The following TFEC variants were observed in gnomAD, a reference collection of about 807,000 sequenced individuals.
TFEC encodes the protein class E basic helix-loop-helix protein 34.
TFEC carries 31 observed loss-of-function variants against 41.6 expected under a neutral mutation model. The observed-to-expected ratio is 0.74, with a 90% CI of 0.56 to 1.01. The LOEUF (loss-of-function observed/expected upper bound fraction) is 1.01. TFEC is among the 50% of genes least tolerant of loss of function. TFEC has a pLI of 0.00. For synonymous variants in TFEC, 143 were observed against 140.6 expected (o/e 1.02, Z -0.12); for missense variants, 402 against 404.1 (o/e 0.99, Z 0.04).
chr7:116,030,731 C>T lies in TFEC; in HGVS notation c.-171G>A. 1.0e-6 allele frequency: 1 copy of T among 985,308 alleles called. No homozygotes were observed. Among genetic ancestry groups the T allele is most frequent in the Non-Finnish European group, 1.2e-6 (1 of 829,920 alleles). The allele number at this position is 985,308 out of a possible 1,614,324, so 61.0% of individuals were successfully genotyped here. A position where few individuals can be genotyped will look rare whatever the true frequency, so the allele number is the denominator to read the frequency against. On this transcript the variant is annotated 5_prime_UTR_variant, in exon 1 of 8. Transcript: ENST00000265440. Reference sequence around the variant, plus strand: ...ATATGCACCATGCCAGAAGGGACAACCAAAGTAAACGATCTAGCCGTGAGT... The same window carrying T: ...ATATGCACCATGCCAGAAGGGACAATCAAAGTAAACGATCTAGCCGTGAGT...
intron 3 of TFEC, among the ~76,000 whole-genome samples, chr7:116,036,775 G>C (rs1487205237): frequency 2.0e-5 from 3 of 151,934 alleles, no homozygotes; most frequent in Non-Finnish European, 4.4e-5. Context: ...GTAATTTAAT[G>C]GGATAATATA....
intron 1 of TFEC, among the ~76,000 whole-genome samples, chr7:116,147,734 C>A (rs1584572250): frequency 6.6e-6 from 1 of 152,132 alleles, no homozygotes; most frequent in Non-Finnish European, 1.5e-5. Flanking sequence ...AAAGTAATAA[C>A]TTCAAAGTAC....
Position 116,107,053 on chromosome 7 carries a change from T to A in TFEC, c.198+3655A>T, listed in dbSNP as rs189721698. Among the ~76,000 whole-genome samples, 476 of 152,288 alleles carry A rather than the reference T, an allele frequency of 3.1e-3. 7 individuals are homozygous for A. The highest frequency in any genetic ancestry group is 1.0e-3 in the Non-Finnish European group (68 of 68,018). On this transcript the variant is annotated intron_variant, in intron 3 of 8. Transcript: ENST00000484212. Reference sequence around the variant, plus strand: ...AAACTTGACAGAGTTTTTACCTTAATGGACAATATGAATCCAAAGCTCTCC... The same window carrying A: ...AAACTTGACAGAGTTTTTACCTTAAAGGACAATATGAATCCAAAGCTCTCC...
At chr7:115,964,450 C>T (rs1214083993) in intron 3 of TFEC, among the ~76,000 whole-genome samples, 2 of 151,502 alleles carry the variant, frequency 1.3e-5, no homozygotes, top group African/African-American at 4.8e-5. Flanking sequence ...AGGCCCATTT[C>T]ACTCATTATT....
At chr7:115,972,922 A>G (rs1262139956) in intron 3 of TFEC, among the ~76,000 whole-genome samples, 1 of 152,086 alleles carries the variant, frequency 6.6e-6, no homozygotes, top group Admixed American at 6.6e-5. Flanking sequence ...CCTCAAGCTC[A>G]GAAGTTGAAT....
chr7:116,094,487 T>A (rs964080710), intron 3 of TFEC, among the ~76,000 whole-genome samples: 6 of 151,582 alleles, frequency 4.0e-5, no homozygotes, highest in African/African-American at 1.5e-4. Flanking sequence ...GAGACCATCC[T>A]GGCTAATATG....
At chr7:115,951,559 A>C (rs1214261097) in intron 5 of TFEC, among the ~76,000 whole-genome samples, 2 of 152,072 alleles carry the variant, frequency 1.3e-5, no homozygotes, top group East Asian at 3.9e-4. Context: ...AGTGGTTTTT[A>C]TACTTTGGCA....
chr7:116,064,586 A>ACCTAATGCATGGGT (rs1796649338), intron 3 of TFEC, among the ~76,000 whole-genome samples: 1 of 151,998 alleles, frequency 6.6e-6, no homozygotes, highest in South Asian at 2.1e-4. Context: ...TAGGACAAAT[A>ACCTAATGCATGGGT]CCTAATGCAT....
At chr7:116,134,226 TTTAGA>T (rs1276158225) in intron 1 of TFEC, among the ~76,000 whole-genome samples, 2 of 152,168 alleles carry the variant, frequency 1.3e-5, no homozygotes, top group Admixed American at 1.3e-4. Context: ...TTCAGAAACT[TTTAGA>T]TTAAATAGTT....
chr7:116,074,879 T>C (rs551626273), intron 3 of TFEC, among the ~76,000 whole-genome samples: 34 of 152,284 alleles, frequency 2.2e-4, no homozygotes, highest in African/African-American at 7.9e-4. Context: ...TGTCCACCAA[T>C]TGATAAACAG....
chr7:115,967,171 A>G (rs919957105), intron 3 of TFEC, among the ~76,000 whole-genome samples: 4 of 151,670 alleles, frequency 2.6e-5, no homozygotes, highest in African/African-American at 9.7e-5. Context: ...CACATATTAT[A>G]TTTCCAGATA....
chr7:116,081,609 A>T (rs568428105), intron 3 of TFEC, among the ~76,000 whole-genome samples: 2 of 152,156 alleles, frequency 1.3e-5, no homozygotes, highest in Admixed American at 1.3e-4. Context: ...CCCACTGCCT[A>T]CACACTCGTC....
intron 1 of TFEC, among the ~76,000 whole-genome samples, chr7:116,013,577 A>G (rs1795082023): frequency 6.6e-6 from 1 of 152,112 alleles, no homozygotes; most frequent in Admixed American, 6.6e-5. Context: ...AAAATACTGG[A>G]CCTCAGATGA....
chr7:116,118,430 G>T (rs1308620092), intron 1 of TFEC, among the ~76,000 whole-genome samples: 9 of 151,710 alleles, frequency 5.9e-5, no homozygotes, highest in Non-Finnish European at 1.0e-4. Context: ...AAAAAATAAT[G>T]AGCTCATTGT....
rs547371296 is a variant in TFEC at position 116,059,296 on chromosome 7, C to A, written c.198+51412G>T. ...TCTTTAAAAGGTACAAACAAGATTT[C>A]AAGAAGAAATAGATAACCTAAATAA... On this transcript the variant is annotated intron_variant, in intron 3 of 8. Coordinates refer to the TFEC transcript ENST00000484212. Among the ~76,000 whole-genome samples the A allele has an allele frequency of 4.0e-5, 6 of 151,790 alleles. No homozygotes were observed. The East Asian group carries it at 1.2e-3, about 29-fold the overall frequency.
intron 1 of TFEC, among the ~76,000 whole-genome samples, chr7:116,150,726 C>T (rs748652923): frequency 1.3e-5 from 2 of 151,786 alleles, no homozygotes; most frequent in Non-Finnish European, 2.9e-5. Flanking sequence ...TAATATTATG[C>T]TAAAGGAAGT....
chr7:116,021,101 A>AT (rs1391394051), intron 1 of TFEC, among the ~76,000 whole-genome samples: 11 of 152,146 alleles, frequency 7.2e-5, no homozygotes, highest in Non-Finnish European at 1.3e-4. Flanking sequence ...ATGAAAGTAC[A>AT]TTTTCTAAAG....
chr7:115,980,311 T>C (rs577592346), intron 2 of TFEC, among the ~76,000 whole-genome samples: 96 of 152,228 alleles, frequency 6.3e-4, no homozygotes, highest in South Asian at 6.2e-4. Flanking sequence ...CCCCTTGTGA[T>C]CACATGAGGC....
At position 116,036,549 on chromosome 7, in the gene TFEC, C is replaced by T. The variant is rs574048303; in HGVS notation, c.199-52036G>A. On this transcript the variant is annotated intron_variant, in intron 3 of 8. Coordinates refer to the TFEC transcript ENST00000484212. ...CATAGTAGAGAGTATATATTAAACA[C>T]TATGCCTTAATGTTCTTTACATTAG... Among the ~76,000 whole-genome samples the T allele has an allele frequency of 9.9e-5, 15 of 152,170 alleles. No homozygotes were observed. In the South Asian group the frequency reaches 1.4e-3, roughly 15 times the overall value.
Sources: gnomAD v4.1 joint callset for allele counts (sites outside exome capture counted in the v4.1 genomes callset) on GRCh38, gnomAD v4.1.1 for gene constraint, MANE v1.5 for transcripts, NCBI Gene and HGNC (gene_info 2026-07-23, HGNC 2026-07-21) for gene names.